The following ITGB3 variants were observed in gnomAD, a reference collection of about 807,000 sequenced individuals.
The protein encoded by ITGB3 is integrin beta-3.
ITGB3 carries 48 observed loss-of-function variants against 85.8 expected under a neutral mutation model. The ratio of observed to expected loss-of-function variants is 0.56; its 90% CI spans 0.44 to 0.71. The LOEUF (loss-of-function observed/expected upper bound fraction) is 0.71. ITGB3 is among the 30% of genes least tolerant of loss of function. The probability of loss-of-function intolerance (pLI) is 0.00; values close to 1 mark genes in which losing one functional copy is unlikely to be tolerated. For synonymous variants in ITGB3, 363 were observed against 395.6 expected (o/e 0.92, Z 0.98); for missense variants, 861 against 1,019.1 (o/e 0.84, Z 2.11).
intron 1 of ITGB3, among the ~76,000 whole-genome samples, chr17:47,273,448 A>T (rs2065052390): frequency 6.6e-6 from 1 of 152,196 alleles, no homozygotes; most frequent in Non-Finnish European, 1.5e-5. Flanking sequence ...GAGCTAGGCA[A>T]TTAGAGAGGA....
intron 1 of ITGB3, among the ~76,000 whole-genome samples, chr17:47,258,578 A>G (rs2064998493): frequency 6.6e-6 from 1 of 152,090 alleles, no homozygotes; most frequent in Non-Finnish European, 1.5e-5. Flanking sequence ...TTTTTCCATC[A>G]TCCCCTAAAA....
rs750612657 is a variant in ITGB3, at chr17:47,292,436, G to A, written c.1558G>A (p.Val520Ile). The change falls in exon 10 of 15, where the codon GTC becomes ATC. Residue 520 changes from valine to isoleucine, a missense_variant. By Grantham distance (29) the Val-to-Ile change is conservative (BLOSUM62 3). Coordinates refer to ENST00000559488, the MANE Select transcript of ITGB3 (RefSeq NM_000212.3). ...ATGCAGCCCCCGGGAGGGTCAGCCC[G>A]TCTGCAGCCAGCGGGGCGAGTGCCT... ...DECSPREGQP[V>I]CSQRGECLCG... The A allele has an allele frequency of 3.2e-5, 51 of 1,609,572 alleles. No homozygotes were observed. The highest frequency in any genetic ancestry group is 1.5e-4 in the African/African-American group (11 of 74,868).
intron 1 of ITGB3, among the ~76,000 whole-genome samples, chr17:47,273,078 A>T (rs572449126): frequency 6.6e-6 from 1 of 152,104 alleles, no homozygotes; most frequent in Non-Finnish European, 1.5e-5. Flanking sequence ...CCTGGCCATA[A>T]TTTTTCTTTA....
chr17:47,292,972 T>C (rs990369994), intron 10 of ITGB3, among the ~76,000 whole-genome samples: 2 of 152,230 alleles, frequency 1.3e-5, no homozygotes. Flanking sequence ...CTGTTACTAC[T>C]ATTGGTGCTA....
In ITGB3 at chr17:47,299,993, G is replaced by A. The variant is rs573635679; in HGVS notation, c.1913+463G>A. 3.9e-5 allele frequency among the ~76,000 whole-genome samples: 6 copies of A among 152,330 alleles called. No individual in the cohort carries two copies. In the South Asian group the frequency reaches 1.0e-3, roughly 26 times the overall value. On this transcript the variant is annotated intron_variant, in intron 11 of 14. Transcript: ENST00000559488. This position sits in a 1 kb window ranked among gnomAD's most constrained non-coding sequence, Gnocchi z 5.1. ...CCACTTTAAGCAGGGCCAGATTTAC[G>A]AGTGTGCAACCTATGCAGCTGTATA...
intron 9 of ITGB3, 134 bp from the exon 10 acceptor site, chr17:47,292,005 T>C (rs1220549977): frequency 4.7e-6 from 4 of 850,078 alleles, no homozygotes; most frequent in Non-Finnish European, 7.8e-6. Flanking sequence ...GCTGAGGAAC[T>C]CCAGATTGCA....
chr17:47,279,296 A>C (rs942116990), intron 2 of ITGB3, among the ~76,000 whole-genome samples: 4 of 152,078 alleles, frequency 2.6e-5, no homozygotes, highest in African/African-American at 9.7e-5. Flanking sequence ...CTGAAACTTT[A>C]ATATCCACCC....
At chr17:47,271,260 C>CGA (rs2065043389) in intron 1 of ITGB3, among the ~76,000 whole-genome samples, 2 of 152,208 alleles carry the variant, frequency 1.3e-5, no homozygotes, top group Non-Finnish European at 2.9e-5. Context: ...TGTGTGTACC[C>CGA]ATTCTGTTAG....
intron 10 of ITGB3, among the ~76,000 whole-genome samples, chr17:47,295,184 G>A (rs1420279373): frequency 6.6e-6 from 1 of 152,204 alleles, no homozygotes; most frequent in Non-Finnish European, 1.5e-5. Context: ...AGTGCTCAGG[G>A]AATGTTATAG....
intron 1 of ITGB3, among the ~76,000 whole-genome samples, chr17:47,258,918 A>G (rs916173039): frequency 1.3e-5 from 2 of 152,228 alleles, no homozygotes; most frequent in East Asian, 3.8e-4. Context: ...TTTGGGGTTA[A>G]TCTATGATGC....
At chr17:47,279,131 T>C (rs1384534696) in intron 2 of ITGB3, among the ~76,000 whole-genome samples, 1 of 152,170 alleles carries the variant, frequency 6.6e-6, no homozygotes, top group Admixed American at 6.5e-5. Context: ...TAATGGAGAA[T>C]GGTACCAAGA....
chr17:47,292,537 C>T lies in ITGB3; in HGVS notation c.1659C>T (p.Ser553=), dbSNP rs772334859. The change falls in exon 10 of 15, where the codon TCC becomes TCT. Residue 553 remains serine (S), a synonymous_variant. Coordinates refer to ENST00000559488, the MANE Select transcript of ITGB3 (RefSeq NM_000212.3). Reference sequence around the variant, plus strand: ...AGTACTGCGAGTGTGACGACTTCTCCTGTGTCCGCTACAAGGGGGAGATGT... The same window carrying T: ...AGTACTGCGAGTGTGACGACTTCTCTTGTGTCCGCTACAAGGGGGAGATGT... ...TGKYCECDDF[S]CVRYKGEMCS... 3 of 1,602,296 alleles carry T rather than the reference C, an allele frequency of 1.9e-6. No homozygotes were observed. The highest frequency in any genetic ancestry group is 3.3e-4 in the Middle Eastern group (2 of 6,060).
chr17:47,271,545 A>G (rs540026616), intron 1 of ITGB3, among the ~76,000 whole-genome samples: 1 of 152,364 alleles, frequency 6.6e-6, no homozygotes, highest in Non-Finnish European at 1.5e-5. Flanking sequence ...AATGAACCTT[A>G]ACCTGTGGGG....
At chr17:47,294,341 C>T (rs1212763291) in intron 10 of ITGB3, among the ~76,000 whole-genome samples, 2 of 152,226 alleles carry the variant, frequency 1.3e-5, no homozygotes, top group African/African-American at 2.4e-5. Flanking sequence ...GAGAGGAGTA[C>T]GGCTGGACCA....
chr17:47,289,641 C>T (rs748082728), intron 6 of ITGB3, 40 bp from the exon 7 acceptor site: 1 of 1,388,974 alleles, frequency 7.2e-7, no homozygotes. Context: ...TAGAGATGTA[C>T]ATGAGACGTC....
chr17:47,307,521 G>T lies in ITGB3; in HGVS notation c.2185G>T (p.Ala729Ser), dbSNP rs1044218723. Residue 729 changes from alanine to serine, a missense_variant, in exon 14 of 15, where the codon GCC (alanine) becomes TCC (serine). Ala to Ser is a moderately conservative substitution (Grantham distance 99). Coordinates refer to ENST00000559488, the MANE Select transcript of ITGB3 (RefSeq NM_000212.3). The stretch of plus-strand genomic sequence containing the variant: ...GGTGGTCCTGCTCTCAGTGATGGGG[G>T]CCATTCTGCTCATTGGCCTTGCCGC... ...ILVVLLSVMG[A>S]ILLIGLAALL... 1.2e-6 allele frequency: 2 copies of T among 1,614,176 alleles called. No individual in the cohort carries two copies. The highest frequency in any genetic ancestry group is 1.7e-4 in the Middle Eastern group (1 of 6,060).
intron 1 of ITGB3, among the ~76,000 whole-genome samples, chr17:47,259,915 A>G (rs1232369307): frequency 6.6e-6 from 1 of 152,174 alleles, no homozygotes; most frequent in Non-Finnish European, 1.5e-5. Context: ...ACAGAACAAA[A>G]CAAAACAAAT....
chr17:47,284,573 G>A lies in ITGB3; in HGVS notation c.492G>A (p.Leu164=). The change falls in exon 4 of 15, where the codon CTG becomes CTA. Residue 164 remains leucine, a synonymous_variant. Coordinates refer to ENST00000559488, the MANE Select transcript of ITGB3 (RefSeq NM_000212.3). ...LWSIQNLGTK[L]ATQMRKLTSN... The stretch of plus-strand genomic sequence containing the variant: ...GCATCCAGAACCTGGGTACCAAGCT[G>A]GCCACCCAGATGCGAAAGCTCACCA... 6.2e-7 allele frequency: 1 copy of A among 1,614,160 alleles called. No individual in the cohort carries two copies. Among genetic ancestry groups the A allele is most frequent in the Non-Finnish European group, 8.5e-7 (1 of 1,180,034 alleles).
chr17:47,312,416 G>C lies in ITGB3; in HGVS notation c.*2212G>C, dbSNP rs1200790105. Among the ~76,000 whole-genome samples, 2 of 152,146 alleles carry C rather than the reference G, an allele frequency of 1.3e-5. No individual in the cohort carries two copies. The highest frequency in any genetic ancestry group is 2.9e-5 in the Non-Finnish European group (2 of 68,030). ...AGAGGGATAAATAGGGGGCGGGGAGGGATAGTCATGGATCCAAGAAGTCCT... is the reference window on the plus strand; with the variant it reads ...AGAGGGATAAATAGGGGGCGGGGAGCGATAGTCATGGATCCAAGAAGTCCT... On this transcript the variant is annotated 3_prime_UTR_variant, in exon 15 of 15. Transcript: ENST00000559488.
Sources: gnomAD v4.1 joint callset for allele counts (sites outside exome capture counted in the v4.1 genomes callset) on GRCh38, gnomAD v4.1.1 for gene constraint, Gnocchi (gnomAD v3.1) non-coding constraint, MANE v1.5 for transcripts, NCBI Gene and HGNC (gene_info 2026-07-23, HGNC 2026-07-21) for gene names.